SLC2A11: variants seen among roughly 807,000 people sequenced by gnomAD.
SLC2A11 encodes the protein solute carrier family 2, facilitated glucose transporter member 11.
SLC2A11 carries 43 observed loss-of-function variants against 52.1 expected under a neutral mutation model. That is an observed-to-expected ratio of 0.82 (90% CI 0.65 to 1.06). SLC2A11 has a LOEUF of 1.06. Among genes scored for constraint, SLC2A11 ranks in the 50% least tolerant of loss-of-function variants. SLC2A11 has a pLI of 0.00. For synonymous variants in SLC2A11, 261 were observed against 277.6 expected, an observed-to-expected ratio of 0.94 and a Z score of 0.59; for missense variants, 582 against 654.2, an observed-to-expected ratio of 0.89 and a Z score of 1.20.
Position 23,862,065 on chromosome 22 carries a change from C to G in SLC2A11, c.31-39C>G, listed in dbSNP as rs751459541. ...CTCTGGTCCAGGGAGGGGGTGGAGG[C>G]TGTTGTTGGTCACTCTGTGTTCTCT... On this transcript the variant is annotated intron_variant, in intron 1 of 11. Coordinates refer to ENST00000316185, the MANE Select transcript of SLC2A11 (RefSeq NM_001024939.4). The G allele has an allele frequency of 1.3e-4, 205 of 1,546,050 alleles. 1 individual carries two copies. The highest frequency in any genetic ancestry group is 2.5e-4 in the Admixed American group (15 of 59,694).
Position 23,868,654 on chromosome 22 carries a change from T to G in SLC2A11, c.290+13T>G. 1 of 1,613,752 alleles carries G rather than the reference T, an allele frequency of 6.2e-7. No homozygotes were observed. On this transcript the variant is annotated intron_variant, in intron 3 of 11. Coordinates refer to ENST00000316185, the MANE Select transcript of SLC2A11 (RefSeq NM_001024939.4). ...TCACGCTGGGAAGGTAAGTGCTTCC[T>G]GCATACCCCCTGAATGCCCTTTAAT... is the stretch of plus-strand genomic sequence containing the variant.
Position 23,884,201 on chromosome 22 carries a change from A to C in SLC2A11, c.1172-101A>C. 1 of 1,503,502 alleles carries C rather than the reference A, an allele frequency of 6.7e-7. No individual in the cohort carries two copies. The highest frequency in any genetic ancestry group is 8.9e-7 in the Non-Finnish European group (1 of 1,127,024). The allele number at this position is 1,503,502 out of a possible 1,614,324, so 93.1% of individuals were successfully genotyped here. The stretch of plus-strand genomic sequence containing the variant: ...GAGAGCACTGAGGGGCCCCCCATAC[A>C]GACTGGGCCTGGGCTCCCACTCCCA... On this transcript the variant is annotated intron_variant, in intron 10 of 11. Coordinates refer to ENST00000316185, the MANE Select transcript of SLC2A11 (RefSeq NM_001024939.4). The surrounding 1 kb of genome is among the most constrained non-coding windows in gnomAD (Gnocchi z 4.3).
At chr22:23,858,092 A>G in intron 1 of SLC2A11, 63 bp downstream of exon 1, 1 of 1,545,936 alleles carries the variant, frequency 6.5e-7, no homozygotes, top group Non-Finnish European at 8.8e-7. Context: ...ACCTGAGTGA[A>G]CTGCGCAGGT....
rs60699980 is a variant in SLC2A11 at position 23,884,703 on chromosome 22, G to A, written c.1354G>A (p.Ala452Thr). 0.025 allele frequency: 39,664 copies of A among 1,613,994 alleles called. 589 individuals carry two copies. Among genetic ancestry groups the A allele is most frequent in the Middle Eastern group, 0.066 (402 of 6,062 alleles). Reference sequence around the variant, plus strand: ...TTTCCTTGGTGTCTGTGTCTGTGGGGCCATCTACACTGGCCTGTTCCTTCC... The same window carrying A: ...TTTCCTTGGTGTCTGTGTCTGTGGGACCATCTACACTGGCCTGTTCCTTCC... ...VPFLGVCVCG[A>T]IYTGLFLPET... The change falls in exon 12 of 12, where the codon GCC (alanine) becomes ACC (threonine). Residue 452 changes from alanine to threonine, a missense_variant. Coordinates refer to ENST00000316185, the MANE Select transcript of SLC2A11 (RefSeq NM_001024939.4). The surrounding 1 kb of genome is among the most constrained non-coding windows in gnomAD (Gnocchi z 4.3).
Position 23,862,163 on chromosome 22 carries a change from G to A in SLC2A11, c.90G>A (p.Gln30=). 2 of 1,614,038 alleles carry A rather than the reference G, an allele frequency of 1.2e-6. No homozygotes were observed. ...ICAAGIGGTF[Q]FGYNLSIINA... The stretch of plus-strand genomic sequence containing the variant: ...CTGCCGGCATTGGTGGGACTTTTCA[G>A]TTTGGCTATAACCTCTCTATCATCA... The change falls in exon 2 of 12, where the codon CAG becomes CAA. Residue 30 remains glutamine, a synonymous_variant. Coordinates refer to ENST00000316185, the MANE Select transcript of SLC2A11 (RefSeq NM_001024939.4).
At chr22:23,857,238 ACAGAGACCCGCAGACATTTAGTC>A, upstream of SLC2A11, 1 of 727,426 alleles carries the variant, frequency 1.4e-6, no homozygotes, top group South Asian at 1.8e-5. Context: ...CCAGCGAGAG[ACAGAGACCCGCAGACATTTAGTC>A]CAGAGACTGT....
intron 6 of SLC2A11, chr22:23,879,912 C>T (rs2032743794): frequency 6.6e-6 from 1 of 152,224 alleles, no homozygotes; most frequent in Non-Finnish European, 1.5e-5. Context: ...ATTTCTCAGC[C>T]TCCTTCCTGC....
chr22:23,880,258 C>CAA (rs60165299), intron 6 of SLC2A11, among the ~76,000 whole-genome samples: 58 of 41,878 alleles, frequency 1.4e-3, no homozygotes, highest in Middle Eastern at 0.013. Context: ...GACTCCATCT[C>CAA]AAAAAAAAAA....
At chr22:23,857,424 T>C (rs1290262063), upstream of SLC2A11, 3 of 1,608,100 alleles carry the variant, frequency 1.9e-6, no homozygotes, top group African/African-American at 4.0e-5. Context: ...CCTGCAGAGA[T>C]GAGCTTGGGG....
chr22:23,883,415 A>G (rs1465785840), intron 8 of SLC2A11: 5 of 343,744 alleles, frequency 1.5e-5, no homozygotes, highest in Non-Finnish European at 2.1e-5. Flanking sequence ...AGACTGCAGT[A>G]AACCGAGATT....
At chr22:23,862,964 T>C (rs1345662355) in intron 2 of SLC2A11, among the ~76,000 whole-genome samples, 1 of 152,176 alleles carries the variant, frequency 6.6e-6, no homozygotes, top group Non-Finnish European at 1.5e-5. Context: ...AGATTAAGTT[T>C]CCGTGTTCAG....
rs140322464 is a variant in SLC2A11, at chr22:23,880,184, C to T, written c.695-2275C>T. 2.9e-3 allele frequency among the ~76,000 whole-genome samples: 409 copies of T among 140,318 alleles called. 1 individual carries two copies. The highest frequency in any genetic ancestry group is 0.01 in the African/African-American group (394 of 37,526). The allele number at this position is 140,318 out of a possible 152,430, so 92.1% of individuals were successfully genotyped here. ...AGGAGAATTGCTTGAACCCGAGAGGCGGAGGTTGCAGTGAGCCAAGATTGT... is the reference window on the plus strand; with the variant it reads ...AGGAGAATTGCTTGAACCCGAGAGGTGGAGGTTGCAGTGAGCCAAGATTGT... On this transcript the variant is annotated intron_variant, in intron 6 of 11. Transcript: ENST00000316185.
In SLC2A11 at chr22:23,882,852, C is replaced by T; in HGVS notation, c.976C>T (p.Leu326Phe). The stretch of plus-strand genomic sequence containing the variant: ...CATCGGGACTGGGAGCTGCGAGCTG[C>T]TCACGGCGGTTGTTAGTGTGAGTCT... Reference protein sequence around the residue: ...AIIGTGSCELLTAVVSCVVIE... With the variant: ...AIIGTGSCELFTAVVSCVVIE... Residue 326 changes from leucine to phenylalanine, a missense_variant, in exon 8 of 12, where the codon CTC becomes TTC. Transcript: ENST00000316185. 1 of 1,612,516 alleles carries T rather than the reference C, an allele frequency of 6.2e-7. No individual in the cohort carries two copies. The highest frequency in any genetic ancestry group is 8.5e-7 in the Non-Finnish European group (1 of 1,179,256).
chr22:23,882,388 G>A, intron 6 of SLC2A11, 71 bp from the exon 7 acceptor site: 1 of 1,334,426 alleles, frequency 7.5e-7, no homozygotes, highest in East Asian at 2.5e-5. Context: ...GGGATGGAGG[G>A]GGGCGTCCCT....
chr22:23,862,276 T>C, intron 2 of SLC2A11, 74 bp downstream of exon 2: 1 of 1,407,506 alleles, frequency 7.1e-7, no homozygotes, highest in South Asian at 1.2e-5. Context: ...CTGAGGGGCT[T>C]CAGCCAGGCA....
At chr22:23,870,211 T>C in intron 3 of SLC2A11, 1 of 591,030 alleles carries the variant, frequency 1.7e-6, no homozygotes, top group Non-Finnish European at 3.0e-6. Context: ...GTAATAACTA[T>C]TGCGCGGCTA....
chr22:23,870,127 C>T (rs552969135), intron 3 of SLC2A11: 4 of 704,562 alleles, frequency 5.7e-6, no homozygotes, highest in African/African-American at 5.3e-5. Context: ...GACCACTGGG[C>T]TCATATCTGC....
In SLC2A11 at chr22:23,877,883, C is replaced by G. The variant is rs1208114160; in HGVS notation, c.694+14C>G. On this transcript the variant is annotated intron_variant, in intron 6 of 11. Coordinates refer to ENST00000316185, the MANE Select transcript of SLC2A11 (RefSeq NM_001024939.4). ...CCTGCCTGGCAGGTGAGTCTCTGTC[C>G]TTGGGCTCCCAGACTGCCCTTGACC... The G allele has an allele frequency of 1.6e-5, 25 of 1,603,240 alleles. No homozygotes were observed. The highest frequency in any genetic ancestry group is 2.1e-5 in the Non-Finnish European group (25 of 1,174,934).
rs374868129 is a variant in SLC2A11 at position 23,870,279 on chromosome 22, G to A, written c.290+1638G>A. On this transcript the variant is annotated intron_variant, in intron 3 of 11. Coordinates refer to ENST00000316185, the MANE Select transcript of SLC2A11 (RefSeq NM_001024939.4). ...TGAAAGGAAGAAATTAAAAATTCAA[G>A]TTTAGCATGTATGCCTATTGTAATT... The A allele has an allele frequency of 6.8e-4, 366 of 536,672 alleles. 1 individual carries two copies. The highest frequency in any genetic ancestry group is 6.1e-3 in the East Asian group (191 of 31,218). 33.2% of individuals were successfully genotyped at this position (536,672 alleles called of 1,614,324 possible). A position where few individuals can be genotyped will look rare whatever the true frequency, so the allele number is the denominator to read the frequency against.
Sources: allele counts gnomAD v4.1 joint callset (sites outside exome capture counted in the v4.1 genomes callset), GRCh38; gene constraint gnomAD v4.1.1; non-coding constraint Gnocchi (gnomAD v3.1); transcripts MANE v1.5; gene names NCBI Gene and HGNC (gene_info 2026-07-23, HGNC 2026-07-21).